The following NELL1 variants were observed in gnomAD, a reference collection of about 807,000 sequenced individuals.
NELL1 encodes the protein neural EGFL like 1.
Under a neutral mutation model 107.4 loss-of-function variants are expected in NELL1, and 76 were observed. The observed-to-expected ratio is 0.71, with a 90% CI of 0.59 to 0.86. The LOEUF (loss-of-function observed/expected upper bound fraction) is 0.86, where lower values mean the gene tolerates loss of function less well. Ranked by LOEUF, NELL1 falls within the 40% of genes least tolerant of loss-of-function variation. NELL1 has a pLI of 0.00. For synonymous variants in NELL1, 353 were observed against 341.2 expected (o/e 1.03, Z -0.38); for missense variants, 1,024 against 1,005.5 (o/e 1.02, Z -0.25).
intron 7 of NELL1, among the ~76,000 whole-genome samples, chr11:20,921,018 A>G (rs998326356): frequency 3.9e-5 from 6 of 152,262 alleles, no homozygotes; most frequent in Middle Eastern, 3.4e-3. Context: ...TTTGAAATCT[A>G]TGATCATCTA....
intron 19 of NELL1, among the ~76,000 whole-genome samples, chr11:21,573,864 A>G (rs1227636571): frequency 6.6e-6 from 1 of 151,492 alleles, no homozygotes; most frequent in Non-Finnish European, 1.5e-5. Context: ...TAAACTGTCA[A>G]TGTTAGGGGA....
chr11:20,735,233 CTT>C (rs1855734088), intron 2 of NELL1, among the ~76,000 whole-genome samples: 2 of 152,106 alleles, frequency 1.3e-5, no homozygotes, highest in African/African-American at 2.4e-5. Flanking sequence ...TGTCCAATGG[CTT>C]GGGAAAGATG....
At chr11:21,558,701 A>G (rs113543757) in intron 16 of NELL1, among the ~76,000 whole-genome samples, 128 of 152,224 alleles carry the variant, frequency 8.4e-4, no homozygotes, top group African/African-American at 2.9e-3. Flanking sequence ...GAGAAAAACA[A>G]AGTAACATGT....
At chr11:20,728,900 A>T (rs12364532) in intron 2 of NELL1, among the ~76,000 whole-genome samples, 16,999 of 152,128 alleles carry the variant, frequency 0.11, 1,076 homozygotes, top group Non-Finnish European at 0.15. Flanking sequence ...TCTGGGCAGT[A>T]TGGCCATGTT....
rs1853840220 is a variant in NELL1, at chr11:21,459,370, A to AAAAAAAAAG, written c.1646-75004_1646-75003insAAAAAAAAG. Among the ~76,000 whole-genome samples the AAAAAAAAAG allele has an allele frequency of 2.0e-5, 3 of 151,134 alleles. 1 individual carries two copies. Among genetic ancestry groups the AAAAAAAAAG allele is most frequent in the African/African-American group, 4.9e-5 (2 of 41,156 alleles). On this transcript the variant is annotated intron_variant, in intron 15 of 19. Coordinates refer to ENST00000357134, the MANE Select transcript of NELL1 (RefSeq NM_006157.5). ...TGTGTTCACTAGCAAAAAAAAAAAA[A>AAAAAAAAAG]GTAGGATTTGAAAACTTTGAAGATG...
At chr11:20,922,903 C>T (rs887010787) in intron 7 of NELL1, among the ~76,000 whole-genome samples, 18 of 152,126 alleles carry the variant, frequency 1.2e-4, no homozygotes, top group East Asian at 1.2e-3. Context: ...GTTTGTTGCA[C>T]GGCACACAAA....
intron 2 of NELL1, among the ~76,000 whole-genome samples, chr11:20,727,225 T>C (rs924654505): frequency 5.9e-5 from 9 of 152,168 alleles, no homozygotes; most frequent in African/African-American, 2.2e-4. Context: ...AGTGTAAAAG[T>C]GTTCCTATTT....
intron 13 of NELL1, among the ~76,000 whole-genome samples, chr11:21,171,315 C>G (rs1254869663): frequency 1.3e-5 from 2 of 151,820 alleles, no homozygotes; most frequent in African/African-American, 4.9e-5. Context: ...CACACATACA[C>G]ACACAAAGAA....
At chr11:21,067,355 A>G (rs1337976236) in intron 12 of NELL1, among the ~76,000 whole-genome samples, 3 of 151,574 alleles carry the variant, frequency 2.0e-5, no homozygotes, top group Non-Finnish European at 4.4e-5. Context: ...AATTTTGCAA[A>G]CATGATTTTT....
intron 11 of NELL1, among the ~76,000 whole-genome samples, chr11:20,954,880 C>A (rs1411793481): frequency 3.3e-5 from 5 of 152,098 alleles, no homozygotes; most frequent in African/African-American, 1.2e-4. Flanking sequence ...GGAAAATCAA[C>A]ACTGTTTGAA....
intron 12 of NELL1, among the ~76,000 whole-genome samples, chr11:21,057,751 C>G (rs1853645870): frequency 6.6e-6 from 1 of 151,816 alleles, no homozygotes; most frequent in East Asian, 1.9e-4. Flanking sequence ...AATGTATCCC[C>G]AAAATATAAA....
At chr11:21,370,085 G>T (rs180761956) in intron 14 of NELL1, among the ~76,000 whole-genome samples, 4,780 of 152,052 alleles carry the variant, frequency 0.031, 114 homozygotes, top group Non-Finnish European at 0.046. Flanking sequence ...CTATTGCAAT[G>T]GAGAGGTTCA....
Position 20,919,235 on chromosome 11 carries a change from A to G in NELL1, c.677-17A>G, listed in dbSNP as rs368263146. 15 of 1,470,580 alleles carry G rather than the reference A, an allele frequency of 1.0e-5. No individual in the cohort carries two copies. In the African/African-American group the frequency reaches 1.5e-4, roughly 15 times the overall value. 91.1% of individuals were successfully genotyped at this position (1,470,580 alleles called of 1,614,324 possible). A position where few individuals can be genotyped will look rare whatever the true frequency, so the allele number is the denominator to read the frequency against. Reference sequence around the variant, plus strand: ...AGCACAATATAAATATATATGTTTTATATTTTCTTTATTGAGCTTGCCCAA... The same window carrying G: ...AGCACAATATAAATATATATGTTTTGTATTTTCTTTATTGAGCTTGCCCAA... On this transcript the variant is annotated splice_polypyrimidine_tract_variant and intron_variant, in intron 6 of 19. Transcript: ENST00000357134.
At chr11:20,879,081 G>A (rs1033075171) in intron 4 of NELL1, among the ~76,000 whole-genome samples, 1 of 152,154 alleles carries the variant, frequency 6.6e-6, no homozygotes, top group Non-Finnish European at 1.5e-5. Flanking sequence ...ATAATTGGTG[G>A]TAGCAGCAGT....
intron 5 of NELL1, among the ~76,000 whole-genome samples, chr11:20,888,494 A>G (rs989457715): frequency 4.0e-5 from 6 of 151,692 alleles, no homozygotes; most frequent in Admixed American, 6.6e-5. Context: ...CTATATATGC[A>G]TATATATTTG....
intron 14 of NELL1, among the ~76,000 whole-genome samples, chr11:21,291,209 T>C (rs1346435295): frequency 6.6e-6 from 1 of 152,100 alleles, no homozygotes; most frequent in Non-Finnish European, 1.5e-5. Context: ...CAAGTATCAA[T>C]AGCCGAATTG....
In NELL1 at chr11:21,243,842, T is replaced by TA. The variant is rs60560878; in HGVS notation, c.1549+14397dup. 5.8e-3 allele frequency among the ~76,000 whole-genome samples: 878 copies of TA among 151,170 alleles called. 2 individuals carry two copies. The highest frequency in any genetic ancestry group is 0.011 in the Admixed American group (161 of 15,160). ...ACTTTCAGTGTAGGTTTAAATTAAT[T>TA]AAAAAAAAAGGCACACTCTTTAATC... On this transcript the variant is annotated intron_variant, in intron 14 of 19. Coordinates refer to ENST00000357134, the MANE Select transcript of NELL1 (RefSeq NM_006157.5).
At chr11:21,464,022 C>T (rs1853964909) in intron 15 of NELL1, among the ~76,000 whole-genome samples, 1 of 152,080 alleles carries the variant, frequency 6.6e-6, no homozygotes, top group Non-Finnish European at 1.5e-5. Flanking sequence ...TTCCTCAAAG[C>T]ATGGTCGCCT....
intron 2 of NELL1, among the ~76,000 whole-genome samples, chr11:20,701,883 C>G (rs1017043202): frequency 1.3e-5 from 2 of 152,110 alleles, no homozygotes; most frequent in African/African-American, 4.8e-5. Context: ...TGTTTTGGTA[C>G]CAGTACCATG....
Sources: gnomAD v4.1 joint callset for allele counts (sites outside exome capture counted in the v4.1 genomes callset) on GRCh38, gnomAD v4.1.1 for gene constraint, MANE v1.5 for transcripts, NCBI Gene and HGNC (gene_info 2026-07-23, HGNC 2026-07-21) for gene names.